The following SIDT1 variants were observed in gnomAD, a reference collection of about 807,000 sequenced individuals.
The protein encoded by SIDT1 is SID1 transmembrane family, member 1.
SIDT1 carries 101 observed loss-of-function variants against 107.5 expected under a neutral mutation model. The observed-to-expected ratio is 0.94, with a 90% CI of 0.80 to 1.11. SIDT1 has a LOEUF of 1.11. Ranked by LOEUF, SIDT1 falls within the 50% of genes least tolerant of loss-of-function variation. The pLI, the probability that SIDT1 is intolerant of heterozygous loss-of-function variation, is 0.00. For missense variants in SIDT1, 1,076 were observed against 1,058.2 expected, an observed-to-expected ratio of 1.02 and a Z score of -0.23; for synonymous variants, 395 against 398.2, an observed-to-expected ratio of 0.99 and a Z score of 0.10.
downstream of SIDT1, among the ~76,000 whole-genome samples, chr3:113,633,615 G>A (rs1438071796): frequency 6.6e-6 from 1 of 152,176 alleles, no homozygotes; most frequent in East Asian, 1.9e-4. Flanking sequence ...GACAAACAGG[G>A]AAAGATAGCT....
chr3:113,571,562 T>C (rs1942459468), intron 3 of SIDT1, among the ~76,000 whole-genome samples: 1 of 151,520 alleles, frequency 6.6e-6, no homozygotes, highest in Non-Finnish European at 1.5e-5. Context: ...GTGTTTAGTA[T>C]TGCTAGAGTG....
At chr3:113,575,922 C>A (rs1560060643) in intron 3 of SIDT1, among the ~76,000 whole-genome samples, 1 of 152,184 alleles carries the variant, frequency 6.6e-6, no homozygotes, top group Non-Finnish European at 1.5e-5. Context: ...ATTGGAGGGG[C>A]AGGGGCACGC....
intron 3 of SIDT1, among the ~76,000 whole-genome samples, chr3:113,573,586 A>G (rs1942651581): frequency 6.6e-6 from 1 of 152,198 alleles, no homozygotes; most frequent in South Asian, 2.1e-4. Context: ...CAAAATTCAT[A>G]TTGAAATCTC....
Position 113,603,160 on chromosome 3 carries a change from C to G in SIDT1, c.1263+10C>G, listed in dbSNP as rs1945083144. 1 of 1,612,540 alleles carries G rather than the reference C, an allele frequency of 6.2e-7. No individual in the cohort carries two copies. The highest frequency in any genetic ancestry group is 8.5e-7 in the Non-Finnish European group (1 of 1,179,118). On this transcript the variant is annotated intron_variant, in intron 12 of 24. Coordinates refer to ENST00000264852, the MANE Select transcript of SIDT1 (RefSeq NM_017699.3). ...CATCATCCGGACCAAGGTACCCACT[C>G]TGCCTCGCCGTACTCTTTGAGAGGG...
At chr3:113,607,188 T>C in intron 15 of SIDT1, 74 bp downstream of exon 15, 1 of 909,860 alleles carries the variant, frequency 1.1e-6, no homozygotes, top group Non-Finnish European at 1.7e-6. Context: ...TTTCGGTTTT[T>C]AAAAATACTA....
At position 113,583,457 on chromosome 3, in the gene SIDT1, C is replaced by A; in HGVS notation, c.796C>A (p.Pro266Thr). The A allele has an allele frequency of 6.2e-7, 1 of 1,600,266 alleles. No individual in the cohort carries two copies. Residue 266 changes from proline to threonine, a missense_variant, in exon 7 of 25, where the codon CCT (proline) becomes ACT (threonine). By Grantham distance (38) the Pro-to-Thr change is conservative (BLOSUM62 -1). Coordinates refer to ENST00000264852, the MANE Select transcript of SIDT1 (RefSeq NM_017699.3). Reference protein sequence around the residue: ...EQFFVVFVIKPEDYACGGSFF... With the variant: ...EQFFVVFVIKTEDYACGGSFF... ...GTTCTTCGTGGTATTTGTGATAAAG[C>A]CTGAAGATTATGCCTGTGGAGGATC...
chr3:113,536,648 T>C (rs1938207974), intron 1 of SIDT1, among the ~76,000 whole-genome samples: 1 of 152,220 alleles, frequency 6.6e-6, no homozygotes, highest in Non-Finnish European at 1.5e-5. Flanking sequence ...CAGAGAACTA[T>C]TTTGCCAAGC....
chr3:113,578,970 C>G (rs1943127520), intron 4 of SIDT1, among the ~76,000 whole-genome samples: 1 of 152,216 alleles, frequency 6.6e-6, no homozygotes, highest in Non-Finnish European at 1.5e-5. Context: ...TTACTTTACT[C>G]TTAACTAGTC....
At chr3:113,589,732 C>T (rs1462681783) in intron 9 of SIDT1, 1 of 152,426 alleles carries the variant, frequency 6.6e-6, no homozygotes, top group African/African-American at 2.4e-5. Context: ...CAGGGTTTCA[C>T]CATATTGGTC....
In SIDT1 at chr3:113,533,211, T is replaced by C; in HGVS notation, c.190T>C (p.Tyr64His). ...GVVNLSTENI[Y>H]SFNYTSQPDQ... ...GGTGAACCTCAGCACCGAGAACATCTACTCTTTCAACTACACCAGCCAGCC... is the reference window on the plus strand; with the variant it reads ...GGTGAACCTCAGCACCGAGAACATCCACTCTTTCAACTACACCAGCCAGCC... The change falls in exon 1 of 25, where the codon TAC becomes CAC. Residue 64 changes from tyrosine to histidine, a missense_variant. By Grantham distance (83) the Tyr-to-His change is moderately conservative. Transcript: ENST00000264852. The C allele has an allele frequency of 1.3e-6, 2 of 1,524,498 alleles. No individual in the cohort carries two copies. Among genetic ancestry groups the C allele is most frequent in the Admixed American group, 2.1e-5 (1 of 48,154 alleles). The allele number at this position is 1,524,498 out of a possible 1,614,324, so 94.4% of individuals were successfully genotyped here. A position where few individuals can be genotyped will look rare whatever the true frequency, so the allele number is the denominator to read the frequency against.
intron 9 of SIDT1, among the ~76,000 whole-genome samples, chr3:113,587,922 A>G (rs558806028): frequency 1.2e-4 from 18 of 152,318 alleles, no homozygotes; most frequent in African/African-American, 3.8e-4. Flanking sequence ...GCAAGGATCT[A>G]AGTTGAAAAG....
chr3:113,595,577 T>TAAA (rs1944486150), intron 10 of SIDT1, among the ~76,000 whole-genome samples: 1 of 142,368 alleles, frequency 7.0e-6, no homozygotes, highest in African/African-American at 2.7e-5. Flanking sequence ...AGACCGTGTC[T>TAAA]CAAAAAAAAA....
chr3:113,535,793 G>C (rs1490216997), intron 1 of SIDT1, among the ~76,000 whole-genome samples: 1 of 152,138 alleles, frequency 6.6e-6, no homozygotes, highest in Non-Finnish European at 1.5e-5. Flanking sequence ...CTGTAGTGGA[G>C]CCCTCAAAAG....
At chr3:113,559,009 T>C (rs1385618971) in intron 1 of SIDT1, among the ~76,000 whole-genome samples, 1 of 152,272 alleles carries the variant, frequency 6.6e-6, no homozygotes, top group Non-Finnish European at 1.5e-5. Context: ...CTGATCCACA[T>C]TTCAGTTCAT....
intron 1 of SIDT1, among the ~76,000 whole-genome samples, chr3:113,539,998 C>T (rs1325804200): frequency 7.0e-6 from 1 of 143,354 alleles, no homozygotes; most frequent in Non-Finnish European, 1.5e-5. Context: ...CAGTGAAACT[C>T]CGTCTCAAAA....
chr3:113,612,463 G>A, intron 19 of SIDT1: 2 of 536,720 alleles, frequency 3.7e-6, no homozygotes, highest in East Asian at 4.6e-5. Flanking sequence ...ACCCCTGGTT[G>A]CAAACACTTT....
chr3:113,609,064 T>C (rs1217845605), intron 17 of SIDT1, among the ~76,000 whole-genome samples: 8 of 135,914 alleles, frequency 5.9e-5, no homozygotes, highest in Non-Finnish European at 9.3e-5. Context: ...CATTCTTTTT[T>C]TTTTTTTTTT....
chr3:113,576,094 C>A (rs747439276), intron 3 of SIDT1, among the ~76,000 whole-genome samples: 2 of 152,202 alleles, frequency 1.3e-5, no homozygotes, highest in Non-Finnish European at 2.9e-5. Flanking sequence ...TTGTGACAAA[C>A]ACTTGAACTG....
chr3:113,599,400 C>T lies in SIDT1; in HGVS notation c.1046-2188C>T, dbSNP rs183369297. Among the ~76,000 whole-genome samples the T allele has an allele frequency of 3.5e-3, 536 of 152,350 alleles. 2 individuals carry two copies. Among genetic ancestry groups the T allele is most frequent in the African/African-American group, 0.012 (507 of 41,582 alleles). ...TTACAGTGGAGATGCAAATGAGCCT[C>T]AACCTCTTTGTCTCTTTAGAAAGGT... On this transcript the variant is annotated intron_variant, in intron 10 of 24. Coordinates refer to ENST00000264852, the MANE Select transcript of SIDT1 (RefSeq NM_017699.3).
Sources: allele counts gnomAD v4.1 joint callset (sites outside exome capture counted in the v4.1 genomes callset), GRCh38; gene constraint gnomAD v4.1.1; transcripts MANE v1.5; gene names NCBI Gene and HGNC (gene_info 2026-07-23, HGNC 2026-07-21).